The following NME7 variants were observed in gnomAD, a reference collection of about 807,000 sequenced individuals.
NME7 encodes the protein nucleoside diphosphate kinase 7.
A neutral mutation model predicts 49.1 loss-of-function variants in NME7; 41 were observed. The ratio of observed to expected loss-of-function variants is 0.83; its 90% CI spans 0.65 to 1.08. The LOEUF is 1.08. NME7 is among the 50% of genes least tolerant of loss of function. The pLI, the probability that NME7 is intolerant of heterozygous loss-of-function variation, is 0.00. For synonymous variants in NME7, 139 were observed against 150.6 expected (o/e 0.92, Z 0.56); for missense variants, 423 against 463.4 (o/e 0.91, Z 0.80).
At chr1:169,200,841 C>T (rs533724497) in intron 10 of NME7, among the ~76,000 whole-genome samples, 1 of 152,340 alleles carries the variant, frequency 6.6e-6, no homozygotes, top group East Asian at 1.9e-4. Context: ...GTGCAGTGTG[C>T]ACTGTCCTCT....
At chr1:169,213,809 T>A (rs10800416) in intron 10 of NME7, among the ~76,000 whole-genome samples, 8 of 150,076 alleles carry the variant, frequency 5.3e-5, no homozygotes, top group African/African-American at 1.5e-4. Context: ...GGAAAAAATA[T>A]AAAAATAAAA....
chr1:169,165,614 C>A (rs1424326998), intron 11 of NME7, among the ~76,000 whole-genome samples: 1 of 152,160 alleles, frequency 6.6e-6, no homozygotes, highest in Admixed American at 6.5e-5. Flanking sequence ...AAGGATGTCC[C>A]CCTAATGAAG....
chr1:169,193,976 G>T (rs981360942), intron 10 of NME7, among the ~76,000 whole-genome samples: 1 of 148,938 alleles, frequency 6.7e-6, no homozygotes, highest in Non-Finnish European at 1.5e-5. Flanking sequence ...GTTTTAAAAA[G>T]AAAAAAGAAA....
chr1:169,214,934 T>G (rs748357457), intron 10 of NME7, among the ~76,000 whole-genome samples: 23 of 152,246 alleles, frequency 1.5e-4, no homozygotes, highest in Non-Finnish European at 2.2e-4. Flanking sequence ...CTTTGCCTTA[T>G]GTGGGGCAGC....
intron 9 of NME7, among the ~76,000 whole-genome samples, chr1:169,234,189 A>C (rs1386387405): frequency 1.3e-5 from 2 of 152,212 alleles, no homozygotes; most frequent in African/African-American, 4.8e-5. Context: ...ACAAAAAAAC[A>C]ACCTTTCTGT....
At chr1:169,243,342 AAG>A (rs1648170477) in intron 7 of NME7, among the ~76,000 whole-genome samples, 1 of 152,226 alleles carries the variant, frequency 6.6e-6, no homozygotes, top group African/African-American at 2.4e-5. Flanking sequence ...TCCAAGAAAA[AAG>A]AGTTACTTCC....
chr1:169,299,498 A>T (rs1410835713), intron 5 of NME7, among the ~76,000 whole-genome samples: 1 of 152,148 alleles, frequency 6.6e-6, no homozygotes, highest in Admixed American at 6.6e-5. Context: ...AATAAGTGAC[A>T]TCCTCCCTCT....
rs183988755 is a variant in NME7 at position 169,207,076 on chromosome 1, C to T, written c.990+23642G>A. ...TTTATTTGGCTCATGGTTCTGCAGG[C>T]TATACCAGAAGCATGGTACCAGCAT... On this transcript the variant is annotated intron_variant, in intron 10 of 11. Coordinates refer to ENST00000367811, the MANE Select transcript of NME7 (RefSeq NM_013330.5). Among the ~76,000 whole-genome samples the T allele has an allele frequency of 2.6e-5, 4 of 152,172 alleles. No individual in the cohort carries two copies. In the East Asian group the frequency reaches 7.7e-4, roughly 29 times the overall value.
chr1:169,211,700 A>G (rs1660825309), intron 10 of NME7, among the ~76,000 whole-genome samples: 2 of 152,174 alleles, frequency 1.3e-5, no homozygotes, highest in Non-Finnish European at 2.9e-5. Flanking sequence ...AATCCCAGTT[A>G]TGATACTTAA....
intron 6 of NME7, among the ~76,000 whole-genome samples, chr1:169,291,474 G>C (rs1050379575): frequency 7.3e-5 from 11 of 151,658 alleles, no homozygotes; most frequent in African/African-American, 2.4e-4. Flanking sequence ...AACACAAGGA[G>C]GGGAACATCA....
In NME7 at chr1:169,294,683, A is replaced by G. The variant is rs542494929; in HGVS notation, c.648+3873T>C. On this transcript the variant is annotated intron_variant, in intron 6 of 11. Transcript: ENST00000367811. ...CAACAACACTCACTCTTCCCCAGAC[A>G]AGGGTAAAAAAATATATATCCTAAA... is the stretch of plus-strand genomic sequence containing the variant. Among the ~76,000 whole-genome samples, 13 of 152,298 alleles carry G rather than the reference A, an allele frequency of 8.5e-5. 1 individual carries two copies. In the South Asian group the frequency reaches 2.7e-3, roughly 32 times the overall value.
intron 1 of NME7, among the ~76,000 whole-genome samples, chr1:169,362,967 G>C (rs1220788880): frequency 6.6e-6 from 1 of 152,078 alleles, no homozygotes; most frequent in Non-Finnish European, 1.5e-5. Flanking sequence ...GCTGAACGTG[G>C]TGGCTAACAT....
rs1482939770 is a variant in NME7 at position 169,303,188 on chromosome 1, C to T, written c.397G>A (p.Ala133Thr). ...TGGTGATCTACATGAAAATCCAATGCTTCTTTCCTATAAAATAATCAAAAA... is the reference window on the plus strand; with the variant it reads ...TGGTGATCTACATGAAAATCCAATGTTTCTTTCCTATAAAATAATCAAAAA... Reference protein sequence around the residue: ...LKMMMLSRKEALDFHVDHQSR... With the variant: ...LKMMMLSRKETLDFHVDHQSR... Residue 133 changes from alanine (A) to threonine (T), a missense_variant, in exon 5 of 12, where the codon GCA becomes ACA. Transcript: ENST00000367811. The T allele has an allele frequency of 1.9e-6, 3 of 1,541,226 alleles. No homozygotes were observed. Among genetic ancestry groups the T allele is most frequent in the Non-Finnish European group, 8.8e-7 (1 of 1,134,488 alleles).
At chr1:169,159,795 C>T (rs971604899) in intron 11 of NME7, among the ~76,000 whole-genome samples, 1 of 152,166 alleles carries the variant, frequency 6.6e-6, no homozygotes, top group African/African-American at 2.4e-5. Flanking sequence ...TATATGAACT[C>T]CTGACTTTTT....
intron 11 of NME7, among the ~76,000 whole-genome samples, chr1:169,158,558 C>T (rs1321528475): frequency 6.6e-6 from 1 of 152,008 alleles, no homozygotes; most frequent in Non-Finnish European, 1.5e-5. Flanking sequence ...GAGCTCATAC[C>T]AGACCTCCTT....
intron 10 of NME7, among the ~76,000 whole-genome samples, chr1:169,202,672 G>A (rs1377747949): frequency 1.3e-5 from 2 of 152,098 alleles, no homozygotes; most frequent in African/African-American, 4.8e-5. Flanking sequence ...GAATGATGAG[G>A]TTAATAACTT....
intron 10 of NME7, among the ~76,000 whole-genome samples, chr1:169,179,078 C>T (rs1557975727): frequency 6.6e-6 from 1 of 152,186 alleles, no homozygotes; most frequent in Non-Finnish European, 1.5e-5. Flanking sequence ...ACCTCGGCCT[C>T]CCAAGGTGCT....
chr1:169,285,102 T>G (rs1300333361), intron 7 of NME7: 2 of 152,182 alleles, frequency 1.3e-5, no homozygotes, highest in Non-Finnish European at 2.9e-5. Context: ...GGTTGAATAT[T>G]CCTTACAGAA....
intron 3 of NME7, 26 bp from the exon 4 acceptor site, chr1:169,310,106 G>A: frequency 7.0e-7 from 1 of 1,420,948 alleles, no homozygotes; most frequent in Non-Finnish European, 9.8e-7. Flanking sequence ...AAATAAGTTT[G>A]CAAATAAAAA....
Sources: allele counts gnomAD v4.1 joint callset (sites outside exome capture counted in the v4.1 genomes callset), GRCh38; gene constraint gnomAD v4.1.1; transcripts MANE v1.5; gene names NCBI Gene and HGNC (gene_info 2026-07-23, HGNC 2026-07-21).